Variants in IPP observed in about 807,000 individuals in gnomAD.
IPP encodes actin-binding protein IPP.
In IPP, 41 loss-of-function variants were observed where a neutral mutation model predicts 64.1. That is an observed-to-expected ratio of 0.64 (90% CI 0.50 to 0.83). IPP has a LOEUF of 0.83. Among genes scored for constraint, IPP ranks in the 40% least tolerant of loss-of-function variants. The pLI, the probability that IPP is intolerant of heterozygous loss-of-function variation, is 0.00. For synonymous variants in IPP, 214 were observed against 235.2 expected, an observed-to-expected ratio of 0.91 and a Z score of 0.83; for missense variants, 649 against 703.0, an observed-to-expected ratio of 0.92 and a Z score of 0.87.
chr1:45,735,071 T>C (rs1645959419), intron 3 of IPP, among the ~76,000 whole-genome samples: 1 of 147,638 alleles, frequency 6.8e-6, no homozygotes. Flanking sequence ...TGAGCCACTG[T>C]GCCCAGCCTA....
At chr1:45,719,622 G>A (rs906574176) in intron 5 of IPP, among the ~76,000 whole-genome samples, 15 of 152,162 alleles carry the variant, frequency 9.9e-5, no homozygotes, top group African/African-American at 3.6e-4. Flanking sequence ...GATACAATTT[G>A]CATTTTAACA....
intron 3 of IPP, among the ~76,000 whole-genome samples, chr1:45,730,898 A>T (rs1645896604): frequency 6.6e-6 from 1 of 152,256 alleles, no homozygotes; most frequent in African/African-American, 2.4e-5. Context: ...GAACAAAATC[A>T]TTAAAAGGGA....
At chr1:45,748,122 A>C (rs531027045) in intron 1 of IPP, among the ~76,000 whole-genome samples, 1 of 152,294 alleles carries the variant, frequency 6.6e-6, no homozygotes, top group East Asian at 1.9e-4. Flanking sequence ...CTAAAACTTC[A>C]TATCACCATC....
intron 5 of IPP, among the ~76,000 whole-genome samples, chr1:45,721,994 G>A (rs963490655): frequency 1.3e-5 from 2 of 152,134 alleles, no homozygotes; most frequent in South Asian, 2.1e-4. Context: ...ACTTGAACCC[G>A]AGAGGCAGAG....
intron 1 of IPP, among the ~76,000 whole-genome samples, chr1:45,748,122 A>G (rs531027045): frequency 1.3e-5 from 2 of 152,294 alleles, no homozygotes; most frequent in South Asian, 2.1e-4. Flanking sequence ...CTAAAACTTC[A>G]TATCACCATC....
At chr1:45,708,779 C>G (rs559987335) in intron 8 of IPP, among the ~76,000 whole-genome samples, 1 of 151,322 alleles carries the variant, frequency 6.6e-6, no homozygotes, top group South Asian at 2.1e-4. Context: ...TGCCTGTAAT[C>G]CCAGCACTTT....
At chr1:45,712,702 A>C (rs1175616235) in intron 8 of IPP, among the ~76,000 whole-genome samples, 1 of 151,634 alleles carries the variant, frequency 6.6e-6, no homozygotes, top group Non-Finnish European at 1.5e-5. Flanking sequence ...CTAAAAATAC[A>C]ACAAAAATTA....
intron 8 of IPP, among the ~76,000 whole-genome samples, chr1:45,707,909 C>T (rs1398983447): frequency 6.6e-6 from 1 of 151,972 alleles, no homozygotes; most frequent in East Asian, 1.9e-4. Flanking sequence ...AATCAAATTA[C>T]TGAAGACCCA....
chr1:45,705,473 A>G lies in IPP; in HGVS notation c.1531-5283T>C, dbSNP rs1291528965. Among the ~76,000 whole-genome samples, 5 of 152,292 alleles carry G rather than the reference A, an allele frequency of 3.3e-5. No homozygotes were observed. In the South Asian group the frequency reaches 6.2e-4, roughly 19 times the overall value. ...GTTACCAAACTTGCCCTCTGACCCTAAAGACCTAGAAAACTAGATAAAACA... is the reference window on the plus strand; with the variant it reads ...GTTACCAAACTTGCCCTCTGACCCTGAAGACCTAGAAAACTAGATAAAACA... On this transcript the variant is annotated intron_variant, in intron 8 of 8. Coordinates refer to ENST00000396478, the MANE Select transcript of IPP (RefSeq NM_005897.3).
In IPP at chr1:45,727,682, G is replaced by T; in HGVS notation, c.997C>A (p.Arg333=). 1 of 1,594,048 alleles carries T rather than the reference G, an allele frequency of 6.3e-7. No individual in the cohort carries two copies. The highest frequency in any genetic ancestry group is 8.6e-7 in the Non-Finnish European group (1 of 1,165,264). The change falls in exon 5 of 9, where the codon CGA becomes AGA. Residue 333 remains arginine (R), a synonymous_variant. Transcript: ENST00000396478. The part of the protein sequence containing the change: ...WTTVSSLHQA[R]SGLGVTVLGG... The stretch of plus-strand genomic sequence containing the variant: ...AGAACTGTTACTCCCAGCCCACTTC[G>T]AGCCTGATGAAGTGAAGACACAGTG...
At position 45,699,669 on chromosome 1, in the gene IPP, T is replaced by G; in HGVS notation, c.*297A>C. On this transcript the variant is annotated 3_prime_UTR_variant, in exon 9 of 9. Transcript: ENST00000396478. The stretch of plus-strand genomic sequence containing the variant: ...TAGAAAAATCATTCTTGAGTTTATT[T>G]TTTTTCTTTAAGAGACAGGATCTCA... 1 of 1,094,080 alleles carries G rather than the reference T, an allele frequency of 9.1e-7. No homozygotes were observed. The highest frequency in any genetic ancestry group is 1.1e-6 in the Non-Finnish European group (1 of 891,496). The allele number at this position is 1,094,080 out of a possible 1,614,324, so 67.8% of individuals were successfully genotyped here.
chr1:45,726,682 A>G (rs1645832185), intron 5 of IPP, among the ~76,000 whole-genome samples: 1 of 152,008 alleles, frequency 6.6e-6, no homozygotes, highest in Non-Finnish European at 1.5e-5. Flanking sequence ...TTCAGAATTT[A>G]AAAAAATTCT....
chr1:45,694,795 CTA>C (rs1645372704), downstream of IPP: 3 of 271,478 alleles, frequency 1.1e-5, no homozygotes, highest in Admixed American at 5.1e-5. Context: ...TCAAAGGAAA[CTA>C]TTTAAAATAA....
Position 45,699,436 on chromosome 1 carries a change from T to C in IPP, c.*530A>G. On this transcript the variant is annotated 3_prime_UTR_variant, in exon 9 of 9. Coordinates refer to ENST00000396478, the MANE Select transcript of IPP (RefSeq NM_005897.3). Reference sequence around the variant, plus strand: ...ACATAAAGTTTTATGTTACAATTTATACTGCACTGGAGAAGTAGCTAAAGG... The same window carrying C: ...ACATAAAGTTTTATGTTACAATTTACACTGCACTGGAGAAGTAGCTAAAGG... 1 of 986,908 alleles carries C rather than the reference T, an allele frequency of 1.0e-6. No homozygotes were observed. The highest frequency in any genetic ancestry group is 1.2e-6 in the Non-Finnish European group (1 of 830,748). 61.1% of individuals were successfully genotyped at this position (986,908 alleles called of 1,614,324 possible).
chr1:45,736,092 C>T (rs1219544817), intron 3 of IPP, among the ~76,000 whole-genome samples: 1 of 147,758 alleles, frequency 6.8e-6, no homozygotes, highest in Non-Finnish European at 1.5e-5. Flanking sequence ...GCTTCAGTGA[C>T]AGAGCGAGAC....
At chr1:45,728,311 TAAG>T (rs1265756492) in intron 4 of IPP, among the ~76,000 whole-genome samples, 2 of 151,810 alleles carry the variant, frequency 1.3e-5, no homozygotes, top group African/African-American at 4.8e-5. Flanking sequence ...AAAAAAATTT[TAAG>T]AAGCACCCAA....
intron 1 of IPP, among the ~76,000 whole-genome samples, chr1:45,747,119 A>C (rs1646147334): frequency 6.7e-6 from 1 of 149,580 alleles, no homozygotes; most frequent in South Asian, 2.1e-4. Context: ...CGCGCACACG[A>C]GCGCGCGCGC....
intron 7 of IPP, among the ~76,000 whole-genome samples, chr1:45,714,927 A>T (rs1456560682): frequency 6.6e-6 from 1 of 152,190 alleles, no homozygotes; most frequent in Non-Finnish European, 1.5e-5. Flanking sequence ...AAATTAAGAT[A>T]TCAGAATCAA....
At chr1:45,709,161 C>T (rs557602255) in intron 8 of IPP, among the ~76,000 whole-genome samples, 136 of 150,536 alleles carry the variant, frequency 9.0e-4, no homozygotes, top group African/African-American at 3.2e-3. Flanking sequence ...TGGCTGGGTG[C>T]GGTGGCTCAC....
Sources: gnomAD v4.1 joint callset for allele counts (sites outside exome capture counted in the v4.1 genomes callset) on GRCh38, gnomAD v4.1.1 for gene constraint, MANE v1.5 for transcripts, NCBI Gene and HGNC (gene_info 2026-07-23, HGNC 2026-07-21) for gene names.